CACNA1C: variants seen among roughly 807,000 people sequenced by gnomAD.
CACNA1C encodes voltage-dependent L-type calcium channel subunit alpha-1C.
A neutral mutation model predicts 229.0 loss-of-function variants in CACNA1C; 30 were observed. The ratio of observed to expected loss-of-function variants is 0.13; its 90% CI spans 0.10 to 0.18. The LOEUF (loss-of-function observed/expected upper bound fraction) is 0.18, where lower values mean the gene tolerates loss of function less well. CACNA1C is among the 10% of genes least tolerant of loss of function. CACNA1C has a pLI of 1.00. For synonymous variants in CACNA1C, 1,114 were observed against 1,132.5 expected (o/e 0.98, Z 0.33); for missense variants, 1,658 against 2,845.0 (o/e 0.58, Z 9.49).
chr12:2,326,552 C>G (rs2096302690), intron 3 of CACNA1C, among the ~76,000 whole-genome samples: 1 of 152,202 alleles, frequency 6.6e-6, no homozygotes, highest in African/African-American at 2.4e-5. Flanking sequence ...GGGGCTGCCA[C>G]TGCCCTTGGA....
In CACNA1C at chr12:2,639,894, C is replaced by T. The variant is rs2093443734; in HGVS notation, c.3912+5514C>T. Among the ~76,000 whole-genome samples, 1 of 152,122 alleles carries T rather than the reference C, an allele frequency of 6.6e-6. No individual in the cohort carries two copies. ...CAGAGAAAAGGAGCAGGAGAAAGACCTTCGGGGAGCAGAGCAGGCACAGGG... is the reference window on the plus strand; with the variant it reads ...CAGAGAAAAGGAGCAGGAGAAAGACTTTCGGGGAGCAGAGCAGGCACAGGG... On this transcript the variant is annotated intron_variant, in intron 30 of 46. Transcript: ENST00000399655. This position sits in a 1 kb window ranked among gnomAD's most constrained non-coding sequence, Gnocchi z 4.2.
Position 2,034,914 on chromosome 12 carries a change from G to A in CACNA1C, c.139+63713G>A, listed in dbSNP as rs538061662. 4.5e-4 allele frequency among the ~76,000 whole-genome samples: 69 copies of A among 152,182 alleles called. 1 individual carries two copies. Among genetic ancestry groups the A allele is most frequent in the Non-Finnish European group, 2.1e-4 (14 of 68,020 alleles). On this transcript the variant is annotated intron_variant, in intron 1 of 46. Transcript: ENST00000682462. The surrounding 1 kb of genome is among the most constrained non-coding windows in gnomAD (Gnocchi z 4.1). ...GCTATGGGACACCGAATCCAACTTT[G>A]CGGGACAGGGGAAGAAGCCTTAGGA...
At chr12:2,531,385 A>G (rs1194420431) in intron 9 of CACNA1C, among the ~76,000 whole-genome samples, 1 of 152,192 alleles carries the variant, frequency 6.6e-6, no homozygotes, top group African/African-American at 2.4e-5. Context: ...CAGCTCTGAT[A>G]CTAACTGGCC....
At chr12:2,097,066 C>T (rs553578921) in intron 1 of CACNA1C, among the ~76,000 whole-genome samples, 10 of 152,196 alleles carry the variant, frequency 6.6e-5, no homozygotes, top group African/African-American at 2.2e-4. Context: ...TTCAAGTCCT[C>T]GCCTTCAATT....
intron 3 of CACNA1C, among the ~76,000 whole-genome samples, chr12:2,313,112 T>C (rs1381729878): frequency 6.6e-6 from 1 of 152,158 alleles, no homozygotes; most frequent in Non-Finnish European, 1.5e-5. Flanking sequence ...ATCAGAGTCA[T>C]GTGGGTGTGG....
chr12:2,582,676 G>T, intron 14 of CACNA1C, 146 bp from the exon 15 acceptor site: 1 of 754,744 alleles, frequency 1.3e-6, no homozygotes, highest in African/African-American at 1.7e-5. Context: ...AGCCCCTGGG[G>T]AGGAGAATTG....
rs1446775032 is a variant in CACNA1C at position 2,605,835 on chromosome 12, A to G, written c.3156+49A>G. On this transcript the variant is annotated intron_variant, in intron 24 of 46. Transcript: ENST00000399655. This position sits in a 1 kb window ranked among gnomAD's most constrained non-coding sequence, Gnocchi z 6.2. ...TCCTCCTACCTCCCCTCCCATCAGCATTCCTGGGGAAGGGAACTGGCAGAT... is the reference window on the plus strand; with the variant it reads ...TCCTCCTACCTCCCCTCCCATCAGCGTTCCTGGGGAAGGGAACTGGCAGAT... 5 of 1,251,356 alleles carry G rather than the reference A, an allele frequency of 4.0e-6. No individual in the cohort carries two copies. Among genetic ancestry groups the G allele is most frequent in the East Asian group, 4.6e-5 (2 of 43,070 alleles). 77.5% of individuals were successfully genotyped at this position (1,251,356 alleles called of 1,614,324 possible). A position where few individuals can be genotyped will look rare whatever the true frequency, so the allele number is the denominator to read the frequency against.
chr12:2,004,445 C>G (rs1254245461), intron 1 of CACNA1C: 1 of 1,600,812 alleles, frequency 6.2e-7, no homozygotes, highest in South Asian at 1.1e-5. Context: ...CCCTCCCTCC[C>G]AGACATAGGC....
chr12:2,426,413 A>G (rs2099032774), intron 3 of CACNA1C, among the ~76,000 whole-genome samples: 1 of 152,218 alleles, frequency 6.6e-6, no homozygotes, highest in Non-Finnish European at 1.5e-5. Context: ...AGAATGGGTA[A>G]AATCTGAGGA....
At chr12:2,459,206 G>A (rs1415064763) in intron 5 of CACNA1C, among the ~76,000 whole-genome samples, 2 of 140,340 alleles carry the variant, frequency 1.4e-5, no homozygotes, top group African/African-American at 2.7e-5. Context: ...TAGTAGAGAC[G>A]GTGTTTCACC....
At chr12:2,563,341 A>C (rs2048496410) in intron 11 of CACNA1C, among the ~76,000 whole-genome samples, 1 of 152,286 alleles carries the variant, frequency 6.6e-6, no homozygotes, top group South Asian at 2.1e-4. Context: ...TGAACATAGG[A>C]GAACATAGGA....
chr12:2,212,671 CTG>C (rs2097960461), intron 3 of CACNA1C, among the ~76,000 whole-genome samples: 1 of 152,150 alleles, frequency 6.6e-6, no homozygotes. Flanking sequence ...AATGTTGACT[CTG>C]TTATGATTGA....
chr12:2,568,427 A>G (rs2052450074), intron 13 of CACNA1C, among the ~76,000 whole-genome samples: 1 of 152,182 alleles, frequency 6.6e-6, no homozygotes, highest in South Asian at 2.1e-4. Flanking sequence ...AACGTTAATG[A>G]TAGGATTACC....
intron 3 of CACNA1C, among the ~76,000 whole-genome samples, chr12:2,165,603 G>A (rs1162174122): frequency 1.3e-5 from 2 of 151,782 alleles, no homozygotes; most frequent in African/African-American, 2.4e-5. Context: ...GATGAACATC[G>A]CCCAGCTTTA....
At chr12:2,636,457 C>G (rs944107363) in intron 30 of CACNA1C, among the ~76,000 whole-genome samples, 3 of 152,196 alleles carry the variant, frequency 2.0e-5, no homozygotes, top group Non-Finnish European at 1.5e-5. Flanking sequence ...GGGGCCTGAA[C>G]CCGTCCAGCA....
At chr12:2,204,807 G>A (rs530098764) in intron 3 of CACNA1C, among the ~76,000 whole-genome samples, 1 of 114,564 alleles carries the variant, frequency 8.7e-6, no homozygotes, top group South Asian at 3.8e-4. Flanking sequence ...GTTGGGGGAG[G>A]GGGGAGGGAT....
At chr12:2,057,863 G>A (rs1391656769) in intron 1 of CACNA1C, among the ~76,000 whole-genome samples, 1 of 152,208 alleles carries the variant, frequency 6.6e-6, no homozygotes, top group Admixed American at 6.5e-5. Flanking sequence ...CCTGAAGCAT[G>A]GGATCTGGGA....
chr12:2,013,660 T>C (rs1017958167), intron 1 of CACNA1C, among the ~76,000 whole-genome samples: 2 of 152,158 alleles, frequency 1.3e-5, no homozygotes, highest in African/African-American at 2.4e-5. Context: ...TGTGACTGTC[T>C]TTGGAGGTAA....
At chr12:2,111,320 C>T (rs1472813356) in intron 1 of CACNA1C, among the ~76,000 whole-genome samples, 1 of 152,224 alleles carries the variant, frequency 6.6e-6, no homozygotes, top group African/African-American at 2.4e-5. Flanking sequence ...CCCCAGGGCT[C>T]TGCACAGCCA....
Sources: allele counts gnomAD v4.1 joint callset (sites outside exome capture counted in the v4.1 genomes callset), GRCh38; gene constraint gnomAD v4.1.1; non-coding constraint Gnocchi (gnomAD v3.1); transcripts MANE v1.5; gene names NCBI Gene and HGNC (gene_info 2026-07-23, HGNC 2026-07-21).